CHCHD6: variants seen among roughly 807,000 people sequenced by gnomAD.
The protein encoded by CHCHD6 is MICOS complex subunit MIC25.
A neutral mutation model predicts 32.3 loss-of-function variants in CHCHD6; 28 were observed. That is an observed-to-expected ratio of 0.87 (90% confidence interval 0.64 to 1.19). The LOEUF (loss-of-function observed/expected upper bound fraction) is 1.19, where lower values mean the gene tolerates loss of function less well. Among genes scored for constraint, CHCHD6 ranks in the 50% most tolerant of loss-of-function variants. The pLI, the probability that CHCHD6 is intolerant of heterozygous loss-of-function variation, is 0.00. For missense variants in CHCHD6, 333 were observed against 307.0 expected, an observed-to-expected ratio of 1.08 and a Z score of -0.63; for synonymous variants, 122 against 117.5, an observed-to-expected ratio of 1.04 and a Z score of -0.25.
chr3:126,958,261 C>T (rs1207291292), intron 7 of CHCHD6, among the ~76,000 whole-genome samples: 4 of 152,090 alleles, frequency 2.6e-5, no homozygotes, highest in Non-Finnish European at 4.4e-5. Context: ...CATACCTCAC[C>T]CTTGCCCCAC....
chr3:126,771,139 T>A (rs981960454), intron 4 of CHCHD6, among the ~76,000 whole-genome samples: 2 of 152,142 alleles, frequency 1.3e-5, no homozygotes, highest in Non-Finnish European at 2.9e-5. Context: ...TAGTCTCTGA[T>A]GATTTTCTCT....
rs368776333 is a variant in CHCHD6, at chr3:126,848,491, G to A, written c.412-4156G>A. ...CATATTTAAAATTATTCATCAATTG[G>A]AGATTGTAATGCTAGCTGGATATCT... On this transcript the variant is annotated intron_variant, in intron 4 of 7. Coordinates refer to ENST00000290913, the MANE Select transcript of CHCHD6 (RefSeq NM_032343.3). 1.6e-4 allele frequency among the ~76,000 whole-genome samples: 25 copies of A among 152,254 alleles called. 1 individual carries two copies. The South Asian group carries it at 5.0e-3, about 30-fold the overall frequency.
intron 5 of CHCHD6, among the ~76,000 whole-genome samples, chr3:126,901,736 T>C (rs969515543): frequency 6.6e-6 from 1 of 152,214 alleles, no homozygotes; most frequent in Admixed American, 6.5e-5. Flanking sequence ...ACATTTGAAA[T>C]TATGCCATGT....
At chr3:126,753,329 T>A (rs982174693) in intron 4 of CHCHD6, among the ~76,000 whole-genome samples, 1 of 152,190 alleles carries the variant, frequency 6.6e-6, no homozygotes, top group Non-Finnish European at 1.5e-5. Context: ...TGTGAAGAAG[T>A]CAAGGTTCGG....
At chr3:126,780,279 C>A in intron 4 of CHCHD6, 1 of 402,986 alleles carries the variant, frequency 2.5e-6, no homozygotes, top group Non-Finnish European at 4.9e-6. Context: ...GGGTTTCTCC[C>A]ACCTTTTGTT....
chr3:126,847,780 C>T (rs1941340157), intron 4 of CHCHD6, among the ~76,000 whole-genome samples: 1 of 152,060 alleles, frequency 6.6e-6, no homozygotes, highest in African/African-American at 2.4e-5. Context: ...TAAGTCACCC[C>T]TACCAGTGTC....
At position 126,835,625 on chromosome 3, in the gene CHCHD6, T is replaced by C. The variant is rs184889701; in HGVS notation, c.412-17022T>C. Among the ~76,000 whole-genome samples, 88 of 152,354 alleles carry C rather than the reference T, an allele frequency of 5.8e-4. 1 individual carries two copies. Among genetic ancestry groups the C allele is most frequent in the African/African-American group, 2.1e-3 (86 of 41,586 alleles). The stretch of plus-strand genomic sequence containing the variant: ...ACTATAGGTCTGTTGCTGGTCATGT[T>C]TGAGCAACTTCTCTGAACTCTTACT... On this transcript the variant is annotated intron_variant, in intron 4 of 7. Coordinates refer to ENST00000290913, the MANE Select transcript of CHCHD6 (RefSeq NM_032343.3).
intron 6 of CHCHD6, among the ~76,000 whole-genome samples, chr3:126,937,231 C>T (rs910404643): frequency 3.9e-5 from 6 of 152,252 alleles, no homozygotes; most frequent in East Asian, 3.8e-4. Flanking sequence ...ATTTCCACCA[C>T]GCCATACGGC....
chr3:126,832,172 C>G (rs1479532742), intron 4 of CHCHD6, among the ~76,000 whole-genome samples: 1 of 152,186 alleles, frequency 6.6e-6, no homozygotes, highest in Non-Finnish European at 1.5e-5. Flanking sequence ...CAGGGCCACA[C>G]ACTTAGCAAG....
intron 4 of CHCHD6, among the ~76,000 whole-genome samples, chr3:126,807,248 A>C (rs1223829723): frequency 1.3e-5 from 2 of 152,140 alleles, no homozygotes; most frequent in Non-Finnish European, 2.9e-5. Context: ...GTCCCAAACA[A>C]ACACACAGAG....
chr3:126,863,419 A>T (rs1297624511), intron 5 of CHCHD6, among the ~76,000 whole-genome samples: 2 of 54,448 alleles, frequency 3.7e-5, no homozygotes, highest in African/African-American at 1.6e-4. Flanking sequence ...TACCATCATC[A>T]CCTCCTCCTC....
chr3:126,861,301 TTAAG>T (rs1941852147), intron 5 of CHCHD6, among the ~76,000 whole-genome samples: 1 of 151,968 alleles, frequency 6.6e-6, no homozygotes, highest in African/African-American at 2.4e-5. Context: ...TTAGGTACTT[TTAAG>T]TCGTGGCTTC....
chr3:126,723,703 A>C (rs1420917081), intron 1 of CHCHD6, among the ~76,000 whole-genome samples: 5 of 151,974 alleles, frequency 3.3e-5, no homozygotes, highest in Non-Finnish European at 4.4e-5. Flanking sequence ...TATCTGTTGG[A>C]TGTTTATGTG....
chr3:126,874,317 A>C (rs2077513912), intron 5 of CHCHD6, among the ~76,000 whole-genome samples: 1 of 152,246 alleles, frequency 6.6e-6, no homozygotes, highest in South Asian at 2.1e-4. Flanking sequence ...ATGCCTTAGG[A>C]ATAAGATTGG....
intron 4 of CHCHD6, among the ~76,000 whole-genome samples, chr3:126,824,226 A>G (rs1048144307): frequency 2.6e-5 from 4 of 151,776 alleles, no homozygotes; most frequent in African/African-American, 7.3e-5. Context: ...CCCAATTTCT[A>G]TTGCTGAGAG....
At chr3:126,877,179 T>A (rs1031340144) in intron 5 of CHCHD6, among the ~76,000 whole-genome samples, 20 of 152,116 alleles carry the variant, frequency 1.3e-4, no homozygotes, top group Non-Finnish European at 2.1e-4. Flanking sequence ...TAGCGGGGAA[T>A]GGGGATGGGA....
chr3:126,790,894 G>T (rs1482459974), intron 4 of CHCHD6, among the ~76,000 whole-genome samples: 1 of 152,196 alleles, frequency 6.6e-6, no homozygotes, highest in East Asian at 1.9e-4. Context: ...AGGAGGAGAG[G>T]TGCTCTGATT....
intron 5 of CHCHD6, among the ~76,000 whole-genome samples, chr3:126,859,605 G>A (rs1941785926): frequency 6.6e-6 from 1 of 152,158 alleles, no homozygotes; most frequent in Non-Finnish European, 1.5e-5. Flanking sequence ...ATAAGTCATC[G>A]TGAATCCTTG....
At chr3:126,731,429 A>T (rs1185718240) in intron 3 of CHCHD6, among the ~76,000 whole-genome samples, 4 of 152,236 alleles carry the variant, frequency 2.6e-5, no homozygotes, top group Non-Finnish European at 5.9e-5. Context: ...CTTACTAGTT[A>T]TGTGAACTTG....
Sources: allele counts gnomAD v4.1 joint callset (sites outside exome capture counted in the v4.1 genomes callset), GRCh38; gene constraint gnomAD v4.1.1; transcripts MANE v1.5; gene names NCBI Gene and HGNC (gene_info 2026-07-23, HGNC 2026-07-21).